The following MCTP2 variants were observed in gnomAD, a reference collection of about 807,000 sequenced individuals.
MCTP2 encodes multiple C2 and transmembrane domain containing 2, also known as multiple C2 and transmembrane domain-containing protein 2.
In MCTP2, 132 loss-of-function variants were observed where a neutral mutation model predicts 111.6. The ratio of observed to expected loss-of-function variants is 1.18; its 90% CI spans 1.03 to 1.37. The LOEUF is 1.37. Ranked by LOEUF, MCTP2 falls within the 40% of genes most tolerant of loss-of-function variation. The probability of loss-of-function intolerance (pLI) is 0.00; values close to 1 mark genes in which losing one functional copy is unlikely to be tolerated. For missense variants in MCTP2, 1,183 were observed against 1,067.9 expected (o/e 1.11, Z -1.50); for synonymous variants, 395 against 387.7 (o/e 1.02, Z -0.22).
chr15:94,349,984 C>A (rs547766563), intron 8 of MCTP2, among the ~76,000 whole-genome samples: 2 of 152,112 alleles, frequency 1.3e-5, no homozygotes, highest in Non-Finnish European at 1.5e-5. Context: ...CTGGACCAGC[C>A]GCAGCTGGTA....
chr15:94,474,791 G>A (rs1001566128), intron 21 of MCTP2, among the ~76,000 whole-genome samples: 3 of 152,056 alleles, frequency 2.0e-5, no homozygotes, highest in Admixed American at 1.3e-4. Context: ...TTTTGATCCT[G>A]GACACCTTCA....
chr15:94,337,412 G>C (rs2077413813), intron 4 of MCTP2, among the ~76,000 whole-genome samples: 1 of 152,128 alleles, frequency 6.6e-6, no homozygotes, highest in Non-Finnish European at 1.5e-5. Context: ...TATTTTGAGA[G>C]TACGCTGACA....
chr15:94,396,562 A>G (rs981313560), intron 14 of MCTP2, among the ~76,000 whole-genome samples: 4 of 152,216 alleles, frequency 2.6e-5, no homozygotes, highest in African/African-American at 9.6e-5. Flanking sequence ...TAGAAGTTCA[A>G]TTATATAATC....
At chr15:94,245,432 TTATA>T (rs1277832332) in intron 1 of MCTP2, among the ~76,000 whole-genome samples, 1 of 114,114 alleles carries the variant, frequency 8.8e-6, no homozygotes, top group Non-Finnish European at 1.9e-5. Flanking sequence ...GTGTATATAT[TTATA>T]TATACACATA....
intron 1 of MCTP2, among the ~76,000 whole-genome samples, chr15:94,245,357 T>G (rs888615851): frequency 1.9e-5 from 2 of 103,852 alleles, no homozygotes; most frequent in African/African-American, 6.2e-5. Context: ...CATACATATG[T>G]ATATATATTT....
intron 1 of MCTP2, among the ~76,000 whole-genome samples, chr15:94,261,565 C>T (rs2073180821): frequency 1.3e-5 from 2 of 152,080 alleles, no homozygotes; most frequent in South Asian, 4.1e-4. Context: ...TGACTGAGTA[C>T]CAGGAATGTA....
At chr15:94,312,923 G>A (rs181578477) in intron 2 of MCTP2, among the ~76,000 whole-genome samples, 11 of 152,190 alleles carry the variant, frequency 7.2e-5, no homozygotes, top group Admixed American at 2.6e-4. Flanking sequence ...TGTGTGTCTC[G>A]GAAGGTAGCC....
intron 1 of MCTP2, among the ~76,000 whole-genome samples, chr15:94,243,818 T>C (rs372474529): frequency 6.7e-6 from 1 of 148,330 alleles, no homozygotes; most frequent in African/African-American, 2.5e-5. Context: ...TACATATATG[T>C]ATACACATAT....
chr15:94,467,405 G>A (rs1567773778), intron 20 of MCTP2, among the ~76,000 whole-genome samples: 1 of 70,828 alleles, frequency 1.4e-5, no homozygotes, highest in African/African-American at 5.7e-5. Context: ...TGATATAGTT[G>A]TTACTTACTT....
chr15:94,326,329 TGCCACAACAAACGTTCTTATACCTAAATC>T (rs1323502402), intron 4 of MCTP2, among the ~76,000 whole-genome samples: 27 of 152,202 alleles, frequency 1.8e-4, no homozygotes, highest in African/African-American at 6.0e-4. Context: ...TTAGGAATAA[TGCCACAACAAACGTTCTTATACCTAAATC>T]TGTGTGTACA....
chr15:94,384,155 G>C (rs370819843), intron 13 of MCTP2, 31 bp downstream of exon 13: 1 of 1,496,596 alleles, frequency 6.7e-7, no homozygotes, highest in Non-Finnish European at 9.3e-7. Flanking sequence ...AATTATTTCT[G>C]CTGTGCTTGG....
chr15:94,425,931 CATT>C (rs2082868120), intron 17 of MCTP2, among the ~76,000 whole-genome samples: 1 of 152,126 alleles, frequency 6.6e-6, no homozygotes, highest in Non-Finnish European at 1.5e-5. Flanking sequence ...TTTTACCAAA[CATT>C]AATGGATTAG....
intron 12 of MCTP2, among the ~76,000 whole-genome samples, chr15:94,379,063 GTTTT>G (rs964287445): frequency 6.6e-6 from 1 of 150,888 alleles, no homozygotes; most frequent in Admixed American, 6.6e-5. Flanking sequence ...TTAGTTTTTT[GTTTT>G]TTGTTTTTTT....
chr15:94,433,054 G>A (rs1009527348), intron 17 of MCTP2, among the ~76,000 whole-genome samples: 8 of 151,814 alleles, frequency 5.3e-5, no homozygotes, highest in Non-Finnish European at 1.2e-4. Context: ...CATCCTTCTC[G>A]TGTTATACTT....
At chr15:94,307,241 T>C (rs2075926302) in intron 2 of MCTP2, among the ~76,000 whole-genome samples, 1 of 152,074 alleles carries the variant, frequency 6.6e-6, no homozygotes, top group Non-Finnish European at 1.5e-5. Flanking sequence ...ACATAAAGTG[T>C]CATGGAGAGA....
chr15:94,245,606 A>T (rs2071901733), intron 1 of MCTP2, among the ~76,000 whole-genome samples: 1 of 145,350 alleles, frequency 6.9e-6, no homozygotes, highest in Non-Finnish European at 1.5e-5. Flanking sequence ...ATATAGACAT[A>T]TACATATGTA....
Position 94,370,089 on chromosome 15 carries a change from C to T in MCTP2, c.1491C>T (p.Cys497=). The T allele has an allele frequency of 6.2e-7, 1 of 1,609,116 alleles. No individual in the cohort carries two copies. The highest frequency in any genetic ancestry group is 1.1e-5 in the South Asian group (1 of 90,278). The change falls in exon 12 of 23, where the codon TGC becomes TGT. Residue 497 remains cysteine (C), a splice_region_variant and synonymous_variant. Transcript: ENST00000357742. ...SERKQITQRY[C]LQNSLKDVKD... ...TGTATCACCTTTTCAACCCTCAGTGCTTACAGAACTCCCTGAAAGATGTGA... is the reference window on the plus strand; with the variant it reads ...TGTATCACCTTTTCAACCCTCAGTGTTTACAGAACTCCCTGAAAGATGTGA...
intron 1 of MCTP2, among the ~76,000 whole-genome samples, chr15:94,246,351 C>G (rs1389961663): frequency 6.6e-6 from 1 of 152,116 alleles, no homozygotes; most frequent in African/African-American, 2.4e-5. Flanking sequence ...GTTTATTCGT[C>G]AGTGAATGAG....
chr15:94,347,013 T>C (rs2078021071), intron 8 of MCTP2, among the ~76,000 whole-genome samples: 1 of 152,102 alleles, frequency 6.6e-6, no homozygotes, highest in African/African-American at 2.4e-5. Context: ...TTTAATAAAA[T>C]CCTAGATAAA....
Sources: gnomAD v4.1 joint callset for allele counts (sites outside exome capture counted in the v4.1 genomes callset) on GRCh38, gnomAD v4.1.1 for gene constraint, MANE v1.5 for transcripts, NCBI Gene and HGNC (gene_info 2026-07-23, HGNC 2026-07-21) for gene names.